The following GRIK3 variants were observed in gnomAD, a reference collection of about 807,000 sequenced individuals.
The protein encoded by GRIK3 is glutamate ionotropic receptor kainate type subunit 3.
In GRIK3, 29 loss-of-function variants were observed where a neutral mutation model predicts 102.5. The observed-to-expected ratio is 0.28, with a 90% CI of 0.21 to 0.39. The LOEUF is 0.39. GRIK3 is among the 10% of genes least tolerant of loss of function. GRIK3 has a pLI of 1.00. For missense variants in GRIK3, 908 were observed against 1,252.4 expected (o/e 0.73, Z 4.15); for synonymous variants, 511 against 504.9 (o/e 1.01, Z -0.16).
intron 13 of GRIK3, among the ~76,000 whole-genome samples, chr1:36,814,438 C>A (rs530605969): frequency 6.6e-6 from 1 of 150,684 alleles, no homozygotes; most frequent in South Asian, 2.1e-4. Context: ...TATGCATGTA[C>A]AGTTCATTAT....
At chr1:36,979,462 T>A (rs971574854) in intron 1 of GRIK3, among the ~76,000 whole-genome samples, 1 of 152,238 alleles carries the variant, frequency 6.6e-6, no homozygotes, top group Non-Finnish European at 1.5e-5. Context: ...CGATTTGGAA[T>A]GAGCTCATAC....
At chr1:37,023,395 G>A (rs376674001) in intron 1 of GRIK3, among the ~76,000 whole-genome samples, 2 of 152,094 alleles carry the variant, frequency 1.3e-5, no homozygotes, top group African/African-American at 2.4e-5. Context: ...CCCAGAGTGT[G>A]GGGGAAAGCA....
At chr1:36,984,661 G>C (rs1297691021) in intron 1 of GRIK3, among the ~76,000 whole-genome samples, 2 of 152,218 alleles carry the variant, frequency 1.3e-5, no homozygotes, top group Non-Finnish European at 2.9e-5. Context: ...CAAACCCTTG[G>C]GAGAGAAGAA....
intron 1 of GRIK3, among the ~76,000 whole-genome samples, chr1:37,007,004 C>T (rs1385910502): frequency 1.3e-5 from 2 of 152,214 alleles, no homozygotes; most frequent in South Asian, 2.1e-4. Flanking sequence ...GTCCAGCAGC[C>T]GTCTTCCCTC....
At chr1:36,823,330 C>T (rs1028017231) in intron 11 of GRIK3, among the ~76,000 whole-genome samples, 9 of 151,744 alleles carry the variant, frequency 5.9e-5, no homozygotes, top group Non-Finnish European at 1.0e-4. Context: ...AAAAATTAGC[C>T]GGGTGTGGTG....
At chr1:36,996,717 C>CT (rs1489752682) in intron 1 of GRIK3, among the ~76,000 whole-genome samples, 2 of 152,216 alleles carry the variant, frequency 1.3e-5, no homozygotes, top group Non-Finnish European at 2.9e-5. Context: ...AGCGGTGTCT[C>CT]TGTCTGTAGC....
rs138767490 is a variant in GRIK3 at position 36,876,351 on chromosome 1, T to A, written c.551-3982A>T. On this transcript the variant is annotated intron_variant, in intron 3 of 15. Coordinates refer to ENST00000373091, the MANE Select transcript of GRIK3 (RefSeq NM_000831.4). ...CAGCCTGGGTGACAGAGTGAGACCC[T>A]GTCTCTAAAATAAAAAAATAATGAA... Among the ~76,000 whole-genome samples, 138 of 152,188 alleles carry A rather than the reference T, an allele frequency of 9.1e-4. 2 individuals are homozygous for A. The highest frequency in any genetic ancestry group is 8.5e-3 in the East Asian group (44 of 5,172).
chr1:36,802,149 GTTAC>G, intron 15 of GRIK3, 104 bp from the exon 16 acceptor site: 2 of 780,090 alleles, frequency 2.6e-6, no homozygotes, highest in South Asian at 1.9e-5. Context: ...CTGTGCTAAG[GTTAC>G]CCGTCTTTCT....
intron 1 of GRIK3, among the ~76,000 whole-genome samples, chr1:36,977,728 G>A (rs1180762457): frequency 6.6e-6 from 1 of 150,980 alleles, no homozygotes; most frequent in Non-Finnish European, 1.5e-5. Context: ...TGACAGATTT[G>A]AATGCTTCCT....
chr1:36,895,752 C>A (rs1402055778), intron 1 of GRIK3, among the ~76,000 whole-genome samples: 1 of 152,004 alleles, frequency 6.6e-6, no homozygotes, highest in Non-Finnish European at 1.5e-5. Flanking sequence ...AGACACCAAA[C>A]CACTGATCTA....
At chr1:37,031,352 T>C (rs1642825681) in intron 1 of GRIK3, among the ~76,000 whole-genome samples, 1 of 152,254 alleles carries the variant, frequency 6.6e-6, no homozygotes. Flanking sequence ...CCTCTCCTTC[T>C]GATAGACACA....
chr1:36,842,282 C>T (rs967695276), intron 9 of GRIK3, among the ~76,000 whole-genome samples: 2 of 152,174 alleles, frequency 1.3e-5, no homozygotes, highest in Non-Finnish European at 2.9e-5. Context: ...AGAGGCTCAG[C>T]GTGTGGTCCC....
chr1:36,875,011 TCA>T (rs897819067), intron 3 of GRIK3, among the ~76,000 whole-genome samples: 1 of 152,228 alleles, frequency 6.6e-6, no homozygotes, highest in African/African-American at 2.4e-5. Flanking sequence ...CTGCAGTGAA[TCA>T]TGGTTGTTGG....
chr1:36,960,946 A>G (rs538052444), intron 1 of GRIK3, among the ~76,000 whole-genome samples: 4 of 152,244 alleles, frequency 2.6e-5, no homozygotes, highest in Admixed American at 2.6e-4. Context: ...GGGATTCATC[A>G]GGGAAGCACA....
chr1:36,872,537 G>A lies in GRIK3; in HGVS notation c.551-168C>T, dbSNP rs551002102. 4.6e-5 allele frequency among the ~76,000 whole-genome samples: 7 copies of A among 152,312 alleles called. No homozygotes were observed. In the East Asian group the frequency reaches 1.4e-3, roughly 29 times the overall value. ...TTGTGCACGTGCATGGACAACACTG[G>A]AGAGCAGGTGTGTGTGCACATACAA... is the stretch of plus-strand genomic sequence containing the variant. On this transcript the variant is annotated intron_variant, in intron 3 of 15. Transcript: ENST00000373091. The surrounding 1 kb of genome is among the most constrained non-coding windows in gnomAD (Gnocchi z 5.9).
intron 7 of GRIK3, among the ~76,000 whole-genome samples, chr1:36,855,155 G>A (rs1640636031): frequency 6.6e-6 from 1 of 152,220 alleles, no homozygotes; most frequent in African/African-American, 2.4e-5. Flanking sequence ...CAGAGAGAGG[G>A]TAGGGGAGGG....
At chr1:36,911,434 C>T (rs1641344439) in intron 1 of GRIK3, among the ~76,000 whole-genome samples, 2 of 152,108 alleles carry the variant, frequency 1.3e-5, no homozygotes, top group Admixed American at 1.3e-4. Context: ...TCACCTAAAG[C>T]ACATTGTATG....
At chr1:36,891,636 C>T (rs1641117963) in intron 1 of GRIK3, among the ~76,000 whole-genome samples, 1 of 152,132 alleles carries the variant, frequency 6.6e-6, no homozygotes, top group African/African-American at 2.4e-5. Flanking sequence ...TTAAATCAGC[C>T]TTTAATATCA....
intron 1 of GRIK3, among the ~76,000 whole-genome samples, chr1:36,921,174 G>A (rs138391584): frequency 6.6e-6 from 1 of 152,378 alleles, no homozygotes; most frequent in African/African-American, 2.4e-5. Context: ...AAGCCTAGTG[G>A]TTAGGAGCAT....
Sources: allele counts gnomAD v4.1 joint callset (sites outside exome capture counted in the v4.1 genomes callset), GRCh38; gene constraint gnomAD v4.1.1; non-coding constraint Gnocchi (gnomAD v3.1); transcripts MANE v1.5; gene names NCBI Gene and HGNC (gene_info 2026-07-23, HGNC 2026-07-21).